Variants in RASSF9 observed in about 807,000 individuals in gnomAD.
RASSF9 encodes the protein ras association domain-containing protein 9.
A neutral mutation model predicts 21.4 loss-of-function variants in RASSF9; 18 were observed. The observed-to-expected ratio is 0.84, with a 90% confidence interval of 0.58 to 1.25. The LOEUF (loss-of-function observed/expected upper bound fraction) is 1.25, where lower values mean the gene tolerates loss of function less well. Ranked by LOEUF, RASSF9 falls within the 50% of genes most tolerant of loss-of-function variation. The pLI is 0.00. For missense variants in RASSF9, 480 were observed against 503.2 expected (o/e 0.95, Z 0.44); for synonymous variants, 183 against 179.1 (o/e 1.02, Z -0.18).
chr12:85,822,296 T>C (rs1451519612), intron 1 of RASSF9, among the ~76,000 whole-genome samples: 2 of 152,136 alleles, frequency 1.3e-5, no homozygotes, highest in East Asian at 3.9e-4. Flanking sequence ...CTGGTAAACT[T>C]GAAGGACATA....
Position 85,825,547 on chromosome 12 carries a change from T to C in RASSF9, c.47+10608A>G, listed in dbSNP as rs149138909. Among the ~76,000 whole-genome samples the C allele has an allele frequency of 2.1e-3, 323 of 152,270 alleles. 2 individuals are homozygous for C. The highest frequency in any genetic ancestry group is 7.0e-3 in the African/African-American group (292 of 41,556). ...CATTATGTATTATCTATAGCTGTTT[T>C]CATACTACAAGGACAGAGTAGTTGA... On this transcript the variant is annotated intron_variant, in intron 1 of 1. Coordinates refer to ENST00000361228, the MANE Select transcript of RASSF9 (RefSeq NM_005447.4).
At chr12:85,806,611 T>G (rs1191407395) in intron 1 of RASSF9, among the ~76,000 whole-genome samples, 1 of 134,206 alleles carries the variant, frequency 7.5e-6, no homozygotes, top group African/African-American at 2.8e-5. Flanking sequence ...AGGCGGTGGT[T>G]GCAGGGAGTG....
intron 1 of RASSF9, among the ~76,000 whole-genome samples, chr12:85,820,765 T>C (rs1252798959): frequency 6.6e-6 from 1 of 152,184 alleles, no homozygotes. Flanking sequence ...CACCTTTGAG[T>C]GTCTTCTTTA....
intron 1 of RASSF9, among the ~76,000 whole-genome samples, chr12:85,810,933 G>A (rs1879940403): frequency 6.6e-6 from 1 of 151,692 alleles, no homozygotes; most frequent in African/African-American, 2.4e-5. Context: ...GTGTGTGTGT[G>A]TTTGTTGGGG....
At chr12:85,830,049 C>T (rs537069477) in intron 1 of RASSF9, among the ~76,000 whole-genome samples, 2 of 152,144 alleles carry the variant, frequency 1.3e-5, no homozygotes, top group South Asian at 2.1e-4. Flanking sequence ...AAAAGGTAGC[C>T]ACTCAGAACA....
At chr12:85,825,236 T>C (rs1880305972) in intron 1 of RASSF9, among the ~76,000 whole-genome samples, 2 of 152,146 alleles carry the variant, frequency 1.3e-5, no homozygotes, top group African/African-American at 4.8e-5. Flanking sequence ...AATGTACACT[T>C]AGTAGCAGCA....
intron 1 of RASSF9, among the ~76,000 whole-genome samples, chr12:85,820,588 AT>A (rs144228256): frequency 0.063 from 9,653 of 152,188 alleles, 346 homozygotes; most frequent in Non-Finnish European, 0.079. Context: ...GAAAAATGTC[AT>A]TTTTTCCTCA....
intron 1 of RASSF9, among the ~76,000 whole-genome samples, chr12:85,829,653 G>A (rs1377412795): frequency 6.6e-6 from 1 of 151,956 alleles, no homozygotes; most frequent in Non-Finnish European, 1.5e-5. Context: ...GTTCAAGCCT[G>A]TTGCCTGTGG....
intron 1 of RASSF9, among the ~76,000 whole-genome samples, chr12:85,810,442 A>G (rs759109228): frequency 6.6e-6 from 1 of 152,000 alleles, no homozygotes; most frequent in Non-Finnish European, 1.5e-5. Flanking sequence ...TGCTAGACTG[A>G]TATAGACTTA....
intron 1 of RASSF9, among the ~76,000 whole-genome samples, chr12:85,816,124 T>G (rs1240998067): frequency 6.6e-6 from 1 of 151,912 alleles, no homozygotes; most frequent in Admixed American, 6.6e-5. Flanking sequence ...CATGGACATA[T>G]AGAGGGCAAC....
chr12:85,813,438 GAAAT>G (rs1879993798), intron 1 of RASSF9, among the ~76,000 whole-genome samples: 1 of 151,784 alleles, frequency 6.6e-6, no homozygotes, highest in South Asian at 2.1e-4. Flanking sequence ...AAAGCATCAA[GAAAT>G]AAATTAAGTT....
chr12:85,811,616 AC>A (rs1156714392), intron 1 of RASSF9, among the ~76,000 whole-genome samples: 1 of 151,866 alleles, frequency 6.6e-6, no homozygotes. Flanking sequence ...TAACTTGATA[AC>A]TGTTATCTTC....
At chr12:85,824,265 T>C (rs1289776481) in intron 1 of RASSF9, among the ~76,000 whole-genome samples, 1 of 152,176 alleles carries the variant, frequency 6.6e-6, no homozygotes, top group African/African-American at 2.4e-5. Context: ...AATGCAAAAA[T>C]AGTGTTCCCC....
At chr12:85,833,731 TTTG>T (rs1052880872) in intron 1 of RASSF9, among the ~76,000 whole-genome samples, 38 of 152,048 alleles carry the variant, frequency 2.5e-4, no homozygotes, top group African/African-American at 9.2e-4. Flanking sequence ...CAAGTAGTTT[TTTG>T]TTATTGTTGT....
Position 85,805,346 on chromosome 12 carries a change from G to T in RASSF9, c.664C>A (p.Arg222=). The T allele has an allele frequency of 6.2e-7, 1 of 1,613,332 alleles. No individual in the cohort carries two copies. The highest frequency in any genetic ancestry group is 8.5e-7 in the Non-Finnish European group (1 of 1,179,822). The part of the protein sequence containing the change: ...EKCEAKFHLD[R]VENDGENYVQ... Reference sequence around the variant, plus strand: ...TAGTTTTCTCCATCATTTTCTACTCGATCAAGATGGAACTTAGCTTCACAC... The same window carrying T: ...TAGTTTTCTCCATCATTTTCTACTCTATCAAGATGGAACTTAGCTTCACAC... Residue 222 remains arginine, a synonymous_variant, in exon 2 of 2, where the codon CGA becomes AGA. Coordinates refer to ENST00000361228, the MANE Select transcript of RASSF9 (RefSeq NM_005447.4).
At chr12:85,812,404 CAA>C (rs1429316837) in intron 1 of RASSF9, among the ~76,000 whole-genome samples, 1 of 151,006 alleles carries the variant, frequency 6.6e-6, no homozygotes, top group African/African-American at 2.4e-5. Context: ...AATATATACA[CAA>C]GAGAAATGTT....
intron 1 of RASSF9, among the ~76,000 whole-genome samples, chr12:85,814,234 G>A (rs534358186): frequency 3.3e-5 from 5 of 152,184 alleles, no homozygotes; most frequent in African/African-American, 1.2e-4. Context: ...GTTTATCTCA[G>A]TGGTTCCCTA....
intron 1 of RASSF9, among the ~76,000 whole-genome samples, chr12:85,820,708 C>T (rs1261393656): frequency 1.3e-5 from 2 of 152,066 alleles, no homozygotes; most frequent in East Asian, 1.9e-4. Flanking sequence ...TTACATAAAA[C>T]ATTAAAAAAT....
intron 1 of RASSF9, among the ~76,000 whole-genome samples, chr12:85,807,596 A>T (rs1879862448): frequency 6.6e-6 from 1 of 152,122 alleles, no homozygotes. Context: ...TAAAGGAATC[A>T]GAGTTGGGAT....
Sources: gnomAD v4.1 joint callset for allele counts (sites outside exome capture counted in the v4.1 genomes callset) on GRCh38, gnomAD v4.1.1 for gene constraint, MANE v1.5 for transcripts, NCBI Gene and HGNC (gene_info 2026-07-23, HGNC 2026-07-21) for gene names.